TMEM132B: variants seen among roughly 807,000 people sequenced by gnomAD.
TMEM132B encodes the protein transmembrane protein 132B.
Under a neutral mutation model 90.8 loss-of-function variants are expected in TMEM132B, and 18 were observed. The observed-to-expected ratio is 0.20, with a 90% CI of 0.14 to 0.29. The LOEUF is 0.29. Ranked by LOEUF, TMEM132B falls within the 10% of genes least tolerant of loss-of-function variation. TMEM132B has a pLI of 1.00. For missense variants in TMEM132B, 1,096 were observed against 1,326.8 expected, an observed-to-expected ratio of 0.83 and a Z score of 2.70; for synonymous variants, 504 against 523.3, an observed-to-expected ratio of 0.96 and a Z score of 0.50.
intron 3 of TMEM132B, among the ~76,000 whole-genome samples, chr12:125,435,674 A>G (rs1304280230): frequency 6.6e-6 from 1 of 152,236 alleles, no homozygotes; most frequent in African/African-American, 2.4e-5. Flanking sequence ...AACAGATGGA[A>G]GAAAGTGTCA....
chr12:125,199,843 G>A (rs920851126), intron 1 of TMEM132B, among the ~76,000 whole-genome samples: 11 of 152,184 alleles, frequency 7.2e-5, no homozygotes, highest in Admixed American at 3.9e-4. Flanking sequence ...CACATCAACT[G>A]TCATTTAAGG....
chr12:125,250,671 C>G lies in TMEM132B; in HGVS notation c.67+63805C>G, dbSNP rs553875434. On this transcript the variant is annotated intron_variant, in intron 1 of 8. Coordinates refer to ENST00000682704, the MANE Select transcript of TMEM132B (RefSeq NM_001366854.1). ...AGCATCCCCTTTGCTTTCCTTGGCT[C>G]TCTCTGGGTTCCCCCTTCCCTGAAG... Among the ~76,000 whole-genome samples the G allele has an allele frequency of 2.6e-5, 4 of 152,180 alleles. No homozygotes were observed. The East Asian group carries it at 7.8e-4, about 30-fold the overall frequency.
intron 4 of TMEM132B, among the ~76,000 whole-genome samples, chr12:125,578,219 T>C (rs1025419491): frequency 2.6e-5 from 4 of 152,156 alleles, no homozygotes; most frequent in African/African-American, 9.6e-5. Flanking sequence ...CCAACTCTTA[T>C]TGTTGGATTT....
intron 3 of TMEM132B, among the ~76,000 whole-genome samples, chr12:125,468,125 T>C (rs1443577514): frequency 1.3e-5 from 2 of 152,134 alleles, no homozygotes; most frequent in East Asian, 3.9e-4. Context: ...CATATGTATC[T>C]AGGAGTACAA....
intron 4 of TMEM132B, among the ~76,000 whole-genome samples, chr12:125,571,953 G>C (rs1279174140): frequency 1.3e-5 from 2 of 152,172 alleles, no homozygotes; most frequent in African/African-American, 4.8e-5. Context: ...TCTGTTTGAG[G>C]ATTCAATTCA....
intron 3 of TMEM132B, among the ~76,000 whole-genome samples, chr12:125,482,048 A>G (rs1882057466): frequency 6.6e-6 from 1 of 152,356 alleles, no homozygotes; most frequent in African/African-American, 2.4e-5. Flanking sequence ...CTGGCTAGCC[A>G]TATGTAGAAA....
At chr12:125,566,257 A>G (rs1054620946) in intron 4 of TMEM132B, among the ~76,000 whole-genome samples, 3 of 152,180 alleles carry the variant, frequency 2.0e-5, no homozygotes, top group Admixed American at 6.5e-5. Flanking sequence ...CTGAACAAAT[A>G]TTTATTGAAT....
At chr12:125,505,209 C>G (rs1474762779) in intron 3 of TMEM132B, among the ~76,000 whole-genome samples, 1 of 115,016 alleles carries the variant, frequency 8.7e-6, no homozygotes, top group Non-Finnish European at 1.7e-5. Context: ...TAAGTGGGGA[C>G]TTGTGCAAAG....
chr12:125,429,979 A>G (rs399070), intron 3 of TMEM132B, among the ~76,000 whole-genome samples: 122,888 of 152,138 alleles, frequency 0.81, 49,951 homozygotes, highest in East Asian at 0.88. Context: ...ATACAGATGT[A>G]TTTGGAATTC....
chr12:125,466,265 G>A (rs991260659), intron 3 of TMEM132B, among the ~76,000 whole-genome samples: 5 of 152,210 alleles, frequency 3.3e-5, no homozygotes, highest in Non-Finnish European at 5.9e-5. Flanking sequence ...TTGTCAGATA[G>A]GAGATGGAAC....
chr12:125,220,060 A>C (rs1873524539), intron 1 of TMEM132B, among the ~76,000 whole-genome samples: 1 of 152,234 alleles, frequency 6.6e-6, no homozygotes, highest in Non-Finnish European at 1.5e-5. Context: ...CCATCCCCTG[A>C]GCTCCACAAG....
rs145289220 is a variant in TMEM132B at position 125,377,690 on chromosome 12, C to T, written c.959+27347C>T. 5.2e-3 allele frequency among the ~76,000 whole-genome samples: 795 copies of T among 152,086 alleles called. 8 individuals carry two copies. Among genetic ancestry groups the T allele is most frequent in the African/African-American group, 0.018 (749 of 41,474 alleles). On this transcript the variant is annotated intron_variant, in intron 2 of 8. Coordinates refer to ENST00000682704, the MANE Select transcript of TMEM132B (RefSeq NM_001366854.1). ...TATAGTTCTGATCTCTCTCATGGGA[C>T]GTCTGAATATTTTCAAAGGATTCTC... is the stretch of plus-strand genomic sequence containing the variant.
chr12:125,575,078 A>ATATATT (rs1566078456), intron 4 of TMEM132B, among the ~76,000 whole-genome samples: 18 of 108,882 alleles, frequency 1.7e-4, no homozygotes, highest in African/African-American at 6.1e-4. Context: ...ATATATATAT[A>ATATATT]TATATTCAGG....
chr12:125,474,801 G>T (rs1185786251), intron 3 of TMEM132B, among the ~76,000 whole-genome samples: 1 of 152,154 alleles, frequency 6.6e-6, no homozygotes, highest in Non-Finnish European at 1.5e-5. Context: ...TCCGTCTCTG[G>T]GCTCTGCCTA....
rs766173596 is a variant in TMEM132B at position 125,654,660 on chromosome 12, G to A, written c.3202G>A (p.Asp1068Asn). ...KWVCQDMGLG[D>N]SQDFRDYMES... is the part of the protein sequence containing the mutation. ...GGTCTGCCAAGATATGGGGCTGGGG[G>A]ATTCACAGGACTTTAGAGACTATAT... The change falls in exon 9 of 9, where the codon GAT becomes AAT. Residue 1068 changes from aspartate (D) to asparagine (N), a missense_variant. Physicochemically the swap from Asp to Asn is conservative, Grantham distance 23. Coordinates refer to ENST00000682704, the MANE Select transcript of TMEM132B (RefSeq NM_001366854.1). This position sits in a 1 kb window ranked among gnomAD's most constrained non-coding sequence, Gnocchi z 5.8. The A allele has an allele frequency of 5.6e-6, 9 of 1,614,052 alleles. No individual in the cohort carries two copies. The highest frequency in any genetic ancestry group is 1.1e-5 in the South Asian group (1 of 91,072).
intron 1 of TMEM132B, among the ~76,000 whole-genome samples, chr12:125,198,689 A>G (rs1290115810): frequency 6.6e-6 from 1 of 152,202 alleles, no homozygotes; most frequent in East Asian, 1.9e-4. Context: ...TATTTCCCAA[A>G]GGAAAATATG....
chr12:125,194,810 A>G (rs1872890030), intron 1 of TMEM132B, among the ~76,000 whole-genome samples: 1 of 152,032 alleles, frequency 6.6e-6, no homozygotes, highest in Admixed American at 6.6e-5. Context: ...AGGGGGAGGC[A>G]TGGTGTAGAT....
At chr12:125,650,419 A>G (rs1886876305) in intron 6 of TMEM132B, among the ~76,000 whole-genome samples, 1 of 152,112 alleles carries the variant, frequency 6.6e-6, no homozygotes. Context: ...GGACGCCAAG[A>G]CCAGAGCCTC....
intron 1 of TMEM132B, among the ~76,000 whole-genome samples, chr12:125,253,709 C>T (rs1253261227): frequency 6.6e-6 from 1 of 152,300 alleles, no homozygotes; most frequent in Admixed American, 6.5e-5. Context: ...GCTGGGATTA[C>T]AGGCGTGAAC....
Sources: gnomAD v4.1 joint callset for allele counts (sites outside exome capture counted in the v4.1 genomes callset) on GRCh38, gnomAD v4.1.1 for gene constraint, Gnocchi (gnomAD v3.1) non-coding constraint, MANE v1.5 for transcripts, NCBI Gene and HGNC (gene_info 2026-07-23, HGNC 2026-07-21) for gene names.